The following SEL1L3 variants were observed in gnomAD, a reference collection of about 807,000 sequenced individuals.
SEL1L3 encodes the protein protein sel-1 homolog 3.
In SEL1L3, 76 loss-of-function variants were observed where a neutral mutation model predicts 142.8. That is an observed-to-expected ratio of 0.53 (90% CI 0.44 to 0.64). The LOEUF (loss-of-function observed/expected upper bound fraction) is 0.64. SEL1L3 is among the 30% of genes least tolerant of loss of function. SEL1L3 has a pLI of 0.00. For synonymous variants in SEL1L3, 504 were observed against 519.6 expected, an observed-to-expected ratio of 0.97 and a Z score of 0.41; for missense variants, 1,262 against 1,381.7, an observed-to-expected ratio of 0.91 and a Z score of 1.37.
chr4:25,752,931 C>T (rs1277845582), intron 23 of SEL1L3, among the ~76,000 whole-genome samples: 1 of 152,234 alleles, frequency 6.6e-6, no homozygotes, highest in Non-Finnish European at 1.5e-5. Flanking sequence ...GAGTTTTAAA[C>T]ACTTTACATT....
At chr4:25,821,258 G>A (rs1168963700) in intron 7 of SEL1L3, among the ~76,000 whole-genome samples, 1 of 152,088 alleles carries the variant, frequency 6.6e-6, no homozygotes, top group South Asian at 2.1e-4. Flanking sequence ...TTATGACTTT[G>A]CCTAGTGACC....
Position 25,788,899 on chromosome 4 carries a change from C to A in SEL1L3, c.2077-535G>T, listed in dbSNP as rs577621284. On this transcript the variant is annotated intron_variant, in intron 12 of 23. Transcript: ENST00000399878. The surrounding 1 kb of genome is among the most constrained non-coding windows in gnomAD (Gnocchi z 5.3). ...ATCTTTGTCCCTGTCTGTTAGCCCC[C>A]CAACCCAGCAGAGCTCAGCAGGTCA... Among the ~76,000 whole-genome samples the A allele has an allele frequency of 5.3e-5, 8 of 152,108 alleles. No homozygotes were observed. The highest frequency in any genetic ancestry group is 1.7e-4 in the African/African-American group (7 of 41,410).
chr4:25,754,773 T>A (rs1223310701), intron 23 of SEL1L3, among the ~76,000 whole-genome samples: 1 of 152,184 alleles, frequency 6.6e-6, no homozygotes, highest in East Asian at 1.9e-4. Flanking sequence ...GGATGATTCA[T>A]ATGCACATTA....
the SEL1L3 span, among the ~76,000 whole-genome samples, chr4:25,730,994 G>A: frequency 6.6e-6 from 1 of 152,130 alleles, no homozygotes; most frequent in Non-Finnish European, 1.5e-5. Context: ...TCACACCACT[G>A]CACTCCAGCC....
chr4:25,746,988 G>C (rs1042464579), downstream of SEL1L3, among the ~76,000 whole-genome samples: 14 of 152,084 alleles, frequency 9.2e-5, no homozygotes, highest in Non-Finnish European at 1.5e-4. Flanking sequence ...CTTAGAGAAG[G>C]TTAATCACTC....
At chr4:25,753,909 G>A (rs946856677) in intron 23 of SEL1L3, among the ~76,000 whole-genome samples, 1 of 151,924 alleles carries the variant, frequency 6.6e-6, no homozygotes, top group Admixed American at 6.6e-5. Context: ...ACTTGAATCC[G>A]AGAGATGGAG....
intron 15 of SEL1L3, 89 bp downstream of exon 15, chr4:25,782,153 T>C: frequency 8.8e-7 from 1 of 1,135,526 alleles, no homozygotes; most frequent in South Asian, 1.4e-5. Flanking sequence ...GTGTCTGGGG[T>C]TGGGTCTGGT....
the SEL1L3 span, among the ~76,000 whole-genome samples, chr4:25,714,150 G>T: frequency 6.6e-6 from 1 of 152,164 alleles, no homozygotes; most frequent in East Asian, 1.9e-4. Context: ...ATGAATTTTG[G>T]GGGGACTTGA....
rs6823458 is a variant in SEL1L3 at position 25,765,347 on chromosome 4, G to A, written c.2934C>T (p.Ala978=). ...TTACCTGGGAGTCTCCATCCAGGGCGGCTTGGGCGTACATCTGCACAGACA... is the reference window on the plus strand; with the variant it reads ...TTACCTGGGAGTCTCCATCCAGGGCAGCTTGGGCGTACATCTGCACAGACA... ...LELSVQMYAQ[A]ALDGDSQGFF... Residue 978 remains alanine (A), a synonymous_variant, in exon 20 of 24, where the codon GCC becomes GCT. Transcript: ENST00000399878. 5.6e-4 allele frequency: 902 copies of A among 1,613,240 alleles called. 5 individuals are homozygous for A. In the African/African-American group the frequency reaches 0.011, roughly 19 times the overall value.
intron 11 of SEL1L3, among the ~76,000 whole-genome samples, chr4:25,798,644 A>G (rs1712954616): frequency 1.3e-5 from 2 of 152,176 alleles, no homozygotes; most frequent in African/African-American, 4.8e-5. Context: ...CCTGGCCAAC[A>G]TGGTGAAATC....
At chr4:25,795,924 GAA>G (rs56159949) in intron 11 of SEL1L3, among the ~76,000 whole-genome samples, 5,245 of 145,056 alleles carry the variant, frequency 0.036, 188 homozygotes, top group South Asian at 0.16. Context: ...TGGACTGGGA[GAA>G]AAAAAAAAAA....
chr4:25,804,484 T>C lies in SEL1L3; in HGVS notation c.1776+57A>G, dbSNP rs1713414899. 2.3e-6 allele frequency: 3 copies of C among 1,324,140 alleles called. No homozygotes were observed. The East Asian group carries it at 7.3e-5, about 32-fold the overall frequency. The allele number at this position is 1,324,140 out of a possible 1,614,324, so 82.0% of individuals were successfully genotyped here. On this transcript the variant is annotated intron_variant, in intron 10 of 23. Transcript: ENST00000399878. ...CAGTTCTACCAGGGGCACGAGAGCA[T>C]TGCTTTGCAAATATAATGCAAGTGA...
At chr4:25,833,705 T>G (rs1715593033) in intron 3 of SEL1L3, 136 bp from the exon 4 acceptor site, 5 of 706,956 alleles carry the variant, frequency 7.1e-6, no homozygotes, top group Non-Finnish European at 1.1e-5. Flanking sequence ...TCATGGGAGA[T>G]CAGCTTGCAA....
chr4:25,740,695 C>T, the SEL1L3 span, among the ~76,000 whole-genome samples: 1 of 152,192 alleles, frequency 6.6e-6, no homozygotes, highest in Non-Finnish European at 1.5e-5. Context: ...TTTACTGCCA[C>T]ATTGTTCACC....
chr4:25,756,767 G>A (rs1191648146), intron 23 of SEL1L3: 3 of 1,169,834 alleles, frequency 2.6e-6, no homozygotes, highest in African/African-American at 3.2e-5. Context: ...CTCCCTCTGA[G>A]TCCGTGTGGC....
intron 2 of SEL1L3, among the ~76,000 whole-genome samples, chr4:25,837,290 A>G (rs991573797): frequency 2.7e-5 from 4 of 146,862 alleles, no homozygotes; most frequent in African/African-American, 1.0e-4. Flanking sequence ...TTAGACCCCT[A>G]GGAAGCCTTC....
intron 9 of SEL1L3, 83 bp downstream of exon 9, chr4:25,818,055 A>G: frequency 2.8e-6 from 4 of 1,420,672 alleles, no homozygotes; most frequent in Non-Finnish European, 3.8e-6. Flanking sequence ...TAAGGCATAA[A>G]TCACCAAAGA....
At chr4:25,826,044 G>T (rs1018286305) in intron 6 of SEL1L3, among the ~76,000 whole-genome samples, 2 of 152,012 alleles carry the variant, frequency 1.3e-5, no homozygotes, top group African/African-American at 2.4e-5. Context: ...CACTCACCAC[G>T]ATTTGTAATT....
intron 1 of SEL1L3, among the ~76,000 whole-genome samples, chr4:25,857,483 T>C (rs1172507342): frequency 4.6e-5 from 7 of 152,198 alleles, no homozygotes; most frequent in African/African-American, 1.7e-4. Flanking sequence ...TTAAACCTTT[T>C]TCTCTCTCTG....
Sources: gnomAD v4.1 joint callset for allele counts (sites outside exome capture counted in the v4.1 genomes callset) on GRCh38, gnomAD v4.1.1 for gene constraint, Gnocchi (gnomAD v3.1) non-coding constraint, MANE v1.5 for transcripts, NCBI Gene and HGNC (gene_info 2026-07-23, HGNC 2026-07-21) for gene names.